Variants in PTGR1 observed in about 807,000 individuals in gnomAD.
PTGR1 encodes prostaglandin reductase 1.
In PTGR1, 23 loss-of-function variants were observed where a neutral mutation model predicts 37.7. The ratio of observed to expected loss-of-function variants is 0.61; its 90% confidence interval spans 0.44 to 0.86. The LOEUF is 0.86. PTGR1 is among the 40% of genes least tolerant of loss of function. The probability of loss-of-function intolerance (pLI) is 0.00; values close to 1 mark genes in which losing one functional copy is unlikely to be tolerated. For missense variants in PTGR1, 351 were observed against 394.3 expected (o/e 0.89, Z 0.93); for synonymous variants, 134 against 140.0 (o/e 0.96, Z 0.30).
intron 6 of PTGR1, among the ~76,000 whole-genome samples, chr9:111,581,353 AG>A (rs536742346): frequency 3.2e-4 from 48 of 152,340 alleles, no homozygotes; most frequent in Middle Eastern, 3.4e-3. Context: ...AAATAGAAGA[AG>A]AAAACTGTTC....
At chr9:111,573,721 C>A (rs1828933115) in intron 8 of PTGR1, among the ~76,000 whole-genome samples, 2 of 152,032 alleles carry the variant, frequency 1.3e-5, no homozygotes, top group South Asian at 4.2e-4. Context: ...AGTCTCTGGT[C>A]CTCTTGGCCA....
chr9:111,552,480 C>G (rs532167635), intron 9 of PTGR1, among the ~76,000 whole-genome samples: 67 of 152,264 alleles, frequency 4.4e-4, no homozygotes, highest in African/African-American at 1.5e-3. Flanking sequence ...CTTTAAAATT[C>G]CAACATGGAT....
At chr9:111,569,568 A>G (rs932370994) in intron 9 of PTGR1, among the ~76,000 whole-genome samples, 3 of 152,146 alleles carry the variant, frequency 2.0e-5, no homozygotes, top group African/African-American at 7.2e-5. Context: ...ACTTGAGACC[A>G]GCCTGGCCAA....
intron 8 of PTGR1, among the ~76,000 whole-genome samples, chr9:111,573,759 G>A (rs1378494284): frequency 6.6e-6 from 1 of 152,136 alleles, no homozygotes; most frequent in Admixed American, 6.6e-5. Context: ...AAAATGAGAG[G>A]CCTGTACAAG....
Position 111,583,479 on chromosome 9 carries a change from T to A in PTGR1, c.488A>T (p.Lys163Met), listed in dbSNP as rs147247631. Residue 163 changes from lysine (K) to methionine (M), a missense_variant, in exon 6 of 10, where the codon AAG (lysine) becomes ATG (methionine). Transcript: ENST00000407693. ...CTGGAGAAAGGCACTTACCTTGAGC[T>A]TTGCAATCTGCCCCACGACTGAGCC... ...AVGSVVGQIA[K>M]LKGCKVVGAV... is the part of the protein sequence containing the mutation. The A allele has an allele frequency of 1.4e-3, 2,207 of 1,607,982 alleles. 8 individuals are homozygous for A. Among genetic ancestry groups the A allele is most frequent in the Non-Finnish European group, 1.7e-3 (2,024 of 1,174,418 alleles).
At position 111,570,307 on chromosome 9, in the gene PTGR1, G is replaced by T. The variant is rs953416997; in HGVS notation, c.761-98C>A. 374 of 1,470,448 alleles carry T rather than the reference G, an allele frequency of 2.5e-4. 1 individual carries two copies. The highest frequency in any genetic ancestry group is 4.9e-5 in the Non-Finnish European group (54 of 1,111,904). 91.1% of individuals were successfully genotyped at this position (1,470,448 alleles called of 1,614,324 possible). On this transcript the variant is annotated intron_variant, in intron 8 of 9. Transcript: ENST00000407693. ...ACTGTCACTGTGCTTGGTGCTGGGA[G>T]TTTTTTGGTGCTTCTCCCCTTCCAT...
At chr9:111,553,575 T>G (rs2132288659) in intron 9 of PTGR1, among the ~76,000 whole-genome samples, 1 of 152,290 alleles carries the variant, frequency 6.6e-6, no homozygotes, top group African/African-American at 2.4e-5. Context: ...CTCAAATCAA[T>G]CTGTTGATAC....
intron 9 of PTGR1, among the ~76,000 whole-genome samples, chr9:111,566,979 C>T (rs1013570279): frequency 1.3e-5 from 2 of 151,772 alleles, no homozygotes; most frequent in African/African-American, 4.8e-5. Context: ...GTCCCAGCTA[C>T]TCAGGAGGTT....
intron 9 of PTGR1, among the ~76,000 whole-genome samples, chr9:111,552,166 AT>A (rs1827984526): frequency 6.6e-6 from 1 of 152,184 alleles, no homozygotes. Context: ...TTTGGTAAGC[AT>A]TTCTTTTGTT....
chr9:111,583,615 T>G (rs1023640262), intron 5 of PTGR1, 26 bp from the exon 6 acceptor site: 1 of 1,520,374 alleles, frequency 6.6e-7, no homozygotes, highest in Admixed American at 1.7e-5. Context: ...TAAGGATATA[T>G]GAATAGAGTT....
At chr9:111,549,746 T>C (rs1398052023) in exon 10 of PTGR1, 1 of 1,550,842 alleles carries the variant, frequency 6.4e-7, no homozygotes, top group Non-Finnish European at 8.7e-7. Flanking sequence ...ATGATACATA[T>C]TCCCTTCATT....
intron 3 of PTGR1, 83 bp from the exon 4 acceptor site, chr9:111,593,065 G>T (rs1395923029): frequency 6.7e-7 from 1 of 1,489,176 alleles, no homozygotes; most frequent in Admixed American, 2.4e-5. Flanking sequence ...AGCATCGGGG[G>T]ACTGTTTTGA....
intron 6 of PTGR1, among the ~76,000 whole-genome samples, chr9:111,581,851 G>A (rs1432117975): frequency 6.6e-6 from 1 of 151,926 alleles, no homozygotes; most frequent in Admixed American, 6.6e-5. Context: ...TAATGATAAT[G>A]AGATTTTTAT....
rs114728130 is a variant in PTGR1 at position 111,570,157 on chromosome 9, G to A, written c.813C>T (p.Val271=). 37 of 1,614,082 alleles carry A rather than the reference G, an allele frequency of 2.3e-5. 1 individual carries two copies. Among genetic ancestry groups the A allele is most frequent in the Middle Eastern group, 1.7e-4 (1 of 6,056 alleles). The change falls in exon 9 of 10, where the codon GTC becomes GTT. Residue 271 remains valine (V), a synonymous_variant. Coordinates refer to ENST00000407693, the MANE Select transcript of PTGR1 (RefSeq NM_001146108.2). ...IYQELRMEAF[V]VYRWQGDARQ... Reference sequence around the variant, plus strand: ...GGGCATCTCCTTGCCAGCGGTAGACGACAAAAGCTTCCATGCGAAGCTCCT... The same window carrying A: ...GGGCATCTCCTTGCCAGCGGTAGACAACAAAAGCTTCCATGCGAAGCTCCT...
At chr9:111,550,607 T>A (rs1423509599) in intron 9 of PTGR1, among the ~76,000 whole-genome samples, 3 of 152,174 alleles carry the variant, frequency 2.0e-5, no homozygotes, top group Non-Finnish European at 4.4e-5. Flanking sequence ...TTTAGGAACT[T>A]TCTGCCGATG....
intron 9 of PTGR1, among the ~76,000 whole-genome samples, chr9:111,552,554 A>G (rs567904824): frequency 6.6e-6 from 1 of 152,292 alleles, no homozygotes; most frequent in South Asian, 2.1e-4. Context: ...TTCTGTCTCT[A>G]ACTGAAATTC....
chr9:111,572,127 A>C (rs1828845055), intron 8 of PTGR1, among the ~76,000 whole-genome samples: 1 of 152,226 alleles, frequency 6.6e-6, no homozygotes, highest in Non-Finnish European at 1.5e-5. Context: ...CACTCAGCCT[A>C]AAGTTCCCAC....
chr9:111,582,545 T>C (rs772728506), intron 6 of PTGR1, among the ~76,000 whole-genome samples: 13 of 152,292 alleles, frequency 8.5e-5, no homozygotes, highest in Non-Finnish European at 1.5e-4. Context: ...ATACCATACA[T>C]ACGTAAAGCT....
At chr9:111,557,592 C>T (rs1430859997), downstream of PTGR1, among the ~76,000 whole-genome samples, 1 of 151,838 alleles carries the variant, frequency 6.6e-6, no homozygotes, top group Non-Finnish European at 1.5e-5. Flanking sequence ...CCACCATGCC[C>T]TGCTAATTTT....
Sources: gnomAD v4.1 joint callset for allele counts (sites outside exome capture counted in the v4.1 genomes callset) on GRCh38, gnomAD v4.1.1 for gene constraint, MANE v1.5 for transcripts, NCBI Gene and HGNC (gene_info 2026-07-23, HGNC 2026-07-21) for gene names.